The following LCLAT1 variants were observed in gnomAD, a reference collection of about 807,000 sequenced individuals.
The protein encoded by LCLAT1 is lysocardiolipin acyltransferase 1, also known as 1-AGP acyltransferase 8.
A neutral mutation model predicts 30.7 loss-of-function variants in LCLAT1; 11 were observed. The observed-to-expected ratio is 0.36, with a 90% CI of 0.23 to 0.59. The LOEUF is 0.59. LCLAT1 is among the 20% of genes least tolerant of loss of function. The pLI, the probability that LCLAT1 is intolerant of heterozygous loss-of-function variation, is 0.77. For synonymous variants in LCLAT1, 155 were observed against 151.3 expected (o/e 1.02, Z -0.18); for missense variants, 402 against 458.6 (o/e 0.88, Z 1.13).
At chr2:30,493,985 A>G (rs1463730608) in intron 1 of LCLAT1, among the ~76,000 whole-genome samples, 1 of 152,140 alleles carries the variant, frequency 6.6e-6, no homozygotes, top group African/African-American at 2.4e-5. Context: ...AGATCCTCCC[A>G]TCTCTACAGT....
At chr2:30,599,721 A>ATCTT (rs1294803738) in intron 5 of LCLAT1, among the ~76,000 whole-genome samples, 1 of 151,808 alleles carries the variant, frequency 6.6e-6, no homozygotes, top group Admixed American at 6.6e-5. Context: ...GTCTTTTTTG[A>ATCTT]TCTTTGTTGG....
intron 3 of LCLAT1, among the ~76,000 whole-genome samples, chr2:30,551,688 T>C (rs756342445): frequency 1.8e-4 from 28 of 152,212 alleles, no homozygotes; most frequent in Non-Finnish European, 2.2e-4. Flanking sequence ...ATCTGTTTCC[T>C]AGCCTTTTCT....
chr2:30,591,749 A>G (rs902319357), intron 5 of LCLAT1, among the ~76,000 whole-genome samples: 7 of 152,188 alleles, frequency 4.6e-5, no homozygotes, highest in Non-Finnish European at 1.0e-4. Context: ...TGAACAGTTA[A>G]TAACACCCTG....
chr2:30,566,131 G>C (rs1046158321), intron 4 of LCLAT1, among the ~76,000 whole-genome samples: 7 of 151,984 alleles, frequency 4.6e-5, no homozygotes, highest in Non-Finnish European at 8.8e-5. Context: ...TGAAGTAGGG[G>C]GTAGATGGAA....
chr2:30,453,793 C>T (rs914211923), intron 1 of LCLAT1, among the ~76,000 whole-genome samples: 2 of 152,114 alleles, frequency 1.3e-5, no homozygotes. Context: ...GTAATGGTGA[C>T]CCTCTCTTTT....
At chr2:30,525,541 C>T (rs374953845) in intron 1 of LCLAT1, 46 bp from the exon 2 acceptor site, 181 of 1,442,898 alleles carry the variant, frequency 1.3e-4, no homozygotes, top group South Asian at 7.9e-4. Context: ...GAATTCGAGC[C>T]GTTAAATGTA....
intron 1 of LCLAT1, among the ~76,000 whole-genome samples, chr2:30,462,488 G>A (rs772923716): frequency 1.8e-4 from 27 of 152,178 alleles, no homozygotes; most frequent in Non-Finnish European, 2.9e-4. Flanking sequence ...TGTGACTGAG[G>A]GGAGGACCCT....
intron 5 of LCLAT1, among the ~76,000 whole-genome samples, chr2:30,634,519 G>C (rs540773793): frequency 6.6e-6 from 1 of 152,148 alleles, no homozygotes; most frequent in Admixed American, 6.5e-5. Flanking sequence ...CCAGCTACTC[G>C]GGAGGCTGAG....
intron 5 of LCLAT1, among the ~76,000 whole-genome samples, chr2:30,599,500 C>T (rs1667083759): frequency 6.6e-6 from 1 of 152,180 alleles, no homozygotes; most frequent in Non-Finnish European, 1.5e-5. Context: ...TGATCTAGAG[C>T]TGAATTCAAG....
chr2:30,512,683 C>G (rs1029038459), intron 1 of LCLAT1, among the ~76,000 whole-genome samples: 1 of 152,152 alleles, frequency 6.6e-6, no homozygotes, highest in African/African-American at 2.4e-5. Context: ...AAAATGGGAT[C>G]ATGCCATCTA....
At chr2:30,573,015 T>A (rs978737234) in intron 5 of LCLAT1, among the ~76,000 whole-genome samples, 2 of 152,208 alleles carry the variant, frequency 1.3e-5, no homozygotes, top group African/African-American at 4.8e-5. Flanking sequence ...GCTTGATGAC[T>A]TGATTTTTCT....
At chr2:30,508,453 G>C (rs972920568) in intron 1 of LCLAT1, among the ~76,000 whole-genome samples, 2 of 152,012 alleles carry the variant, frequency 1.3e-5, no homozygotes, top group Non-Finnish European at 2.9e-5. Flanking sequence ...TTTGTATATC[G>C]TGTAAGGAAG....
chr2:30,600,464 C>T lies in LCLAT1; in HGVS notation c.628+32288C>T, dbSNP rs138489727. On this transcript the variant is annotated intron_variant, in intron 5 of 5. Transcript: ENST00000379509. ...CATCACAACTAAAAGAACTAGAGAA[C>T]CAAGAGCAAACAAACTCCAAAGCTA... 3.0e-4 allele frequency among the ~76,000 whole-genome samples: 45 copies of T among 152,102 alleles called. No homozygotes were observed. The East Asian group carries it at 8.0e-3, about 27-fold the overall frequency.
At chr2:30,595,029 A>C (rs147371854) in intron 5 of LCLAT1, among the ~76,000 whole-genome samples, 1 of 152,068 alleles carries the variant, frequency 6.6e-6, no homozygotes, top group Non-Finnish European at 1.5e-5. Flanking sequence ...TTTCCTTCTC[A>C]TTTATGTTTT....
chr2:30,634,847 A>G (rs1668947857), intron 5 of LCLAT1, among the ~76,000 whole-genome samples: 1 of 152,236 alleles, frequency 6.6e-6, no homozygotes, highest in Non-Finnish European at 1.5e-5. Context: ...TATCCATTTC[A>G]TTATTGTCAG....
At chr2:30,486,636 G>A (rs183050250) in intron 1 of LCLAT1, among the ~76,000 whole-genome samples, 3 of 152,150 alleles carry the variant, frequency 2.0e-5, no homozygotes, top group Non-Finnish European at 4.4e-5. Context: ...ATTCCTACCA[G>A]AATTTGTTCT....
At chr2:30,480,414 C>T (rs1683260882) in intron 1 of LCLAT1, among the ~76,000 whole-genome samples, 3 of 152,072 alleles carry the variant, frequency 2.0e-5, no homozygotes, top group Non-Finnish European at 4.4e-5. Context: ...AGGCTGGTCT[C>T]CAACTTCTGA....
intron 5 of LCLAT1, among the ~76,000 whole-genome samples, chr2:30,573,802 A>G (rs4952151): frequency 0.14 from 20,769 of 152,196 alleles, 1,565 homozygotes; most frequent in East Asian, 0.25. Flanking sequence ...TCAAGCCTTC[A>G]GCACAGGGCC....
At chr2:30,526,780 C>T (rs972001309) in intron 2 of LCLAT1, among the ~76,000 whole-genome samples, 4 of 152,126 alleles carry the variant, frequency 2.6e-5, no homozygotes, top group Non-Finnish European at 4.4e-5. Context: ...TAGTCCTCTA[C>T]CTAAAATATC....
Sources: allele counts gnomAD v4.1 joint callset (sites outside exome capture counted in the v4.1 genomes callset), GRCh38; gene constraint gnomAD v4.1.1; transcripts MANE v1.5; gene names NCBI Gene and HGNC (gene_info 2026-07-23, HGNC 2026-07-21).